Variants in MRPL1 observed in about 807,000 individuals in gnomAD.
The protein encoded by MRPL1 is mitochondrial ribosomal protein L1.
Under a neutral mutation model 38.0 loss-of-function variants are expected in MRPL1, and 28 were observed. The ratio of observed to expected loss-of-function variants is 0.74; its 90% CI spans 0.55 to 1.01. The LOEUF (loss-of-function observed/expected upper bound fraction) is 1.01. MRPL1 is among the 50% of genes least tolerant of loss of function. The probability of loss-of-function intolerance (pLI) is 0.00; values close to 1 mark genes in which losing one functional copy is unlikely to be tolerated. For synonymous variants in MRPL1, 123 were observed against 126.7 expected (o/e 0.97, Z 0.20); for missense variants, 358 against 389.8 (o/e 0.92, Z 0.69).
intron 7 of MRPL1, among the ~76,000 whole-genome samples, chr4:77,930,995 A>G (rs72871105): frequency 6.6e-6 from 1 of 152,224 alleles, no homozygotes; most frequent in African/African-American, 2.4e-5. Context: ...AGAAAGCTGC[A>G]TTTAAAAGAA....
intron 7 of MRPL1, among the ~76,000 whole-genome samples, chr4:77,943,850 C>T (rs1032944816): frequency 2.6e-5 from 4 of 152,106 alleles, no homozygotes; most frequent in African/African-American, 9.7e-5. Context: ...GCTTAATAAT[C>T]GACCTTCTGA....
chr4:77,940,825 C>T (rs1737108039), intron 7 of MRPL1, among the ~76,000 whole-genome samples: 1 of 152,090 alleles, frequency 6.6e-6, no homozygotes, highest in Non-Finnish European at 1.5e-5. Context: ...GTTTTTAATT[C>T]TGTTTATGTG....
chr4:77,883,146 C>A (rs1735582774), intron 2 of MRPL1, 96 bp from the exon 3 acceptor site: 1 of 761,764 alleles, frequency 1.3e-6, no homozygotes, highest in Non-Finnish European at 1.9e-6. Context: ...TATAATTCAT[C>A]CTTTGTTTTT....
At chr4:77,896,917 A>G (rs1410519512) in intron 6 of MRPL1, among the ~76,000 whole-genome samples, 2 of 151,920 alleles carry the variant, frequency 1.3e-5, no homozygotes, top group African/African-American at 4.8e-5. Context: ...ATTTGGTTTT[A>G]TTTTGCTTAT....
chr4:77,906,882 A>G (rs188681574), intron 6 of MRPL1: 1 of 707,628 alleles, frequency 1.4e-6, no homozygotes, highest in East Asian at 1.3e-4. Context: ...TCAGACTGTG[A>G]TACTGAAAAA....
At chr4:77,893,486 T>C (rs1459877794) in intron 5 of MRPL1, among the ~76,000 whole-genome samples, 1 of 151,868 alleles carries the variant, frequency 6.6e-6, no homozygotes, top group Non-Finnish European at 1.5e-5. Flanking sequence ...ATAATAGTTA[T>C]TTTAGGTGCT....
chr4:77,918,248 C>A (rs1207969220), intron 7 of MRPL1, among the ~76,000 whole-genome samples: 1 of 152,110 alleles, frequency 6.6e-6, no homozygotes. Flanking sequence ...CAGTGGACCA[C>A]ACATTATTGA....
At chr4:77,912,647 AT>A in intron 7 of MRPL1, among the ~76,000 whole-genome samples, 1 of 152,196 alleles carries the variant, frequency 6.6e-6, no homozygotes, top group African/African-American at 2.4e-5. Flanking sequence ...TAATCTATAG[AT>A]TCATAGCATT....
chr4:77,896,413 C>T (rs1473346050), intron 6 of MRPL1, among the ~76,000 whole-genome samples: 1 of 152,140 alleles, frequency 6.6e-6, no homozygotes, highest in East Asian at 1.9e-4. Flanking sequence ...CCTTCTCTGA[C>T]ACCTTCTTTT....
At chr4:77,887,338 A>G in intron 5 of MRPL1, 47 bp downstream of exon 5, 3 of 1,394,006 alleles carry the variant, frequency 2.2e-6, no homozygotes, top group Non-Finnish European at 3.1e-6. Context: ...TGATTCTGTT[A>G]TCTTTACCAT....
At chr4:77,883,670 C>T (rs552052710) in intron 3 of MRPL1, among the ~76,000 whole-genome samples, 170 bp downstream of exon 3, 12 of 152,202 alleles carry the variant, frequency 7.9e-5, no homozygotes, top group East Asian at 1.9e-4. Flanking sequence ...CTCCACCTCC[C>T]GGGCTCAGGT....
intron 1 of MRPL1, among the ~76,000 whole-genome samples, chr4:77,868,700 A>G (rs570770084): frequency 6.6e-6 from 1 of 152,324 alleles, no homozygotes; most frequent in East Asian, 1.9e-4. Context: ...ATTACTATGA[A>G]CTAGTGGAGT....
intron 2 of MRPL1, among the ~76,000 whole-genome samples, chr4:77,881,887 C>G (rs1256069628): frequency 6.6e-6 from 1 of 152,162 alleles, no homozygotes; most frequent in Non-Finnish European, 1.5e-5. Flanking sequence ...CTTCAGGTCT[C>G]TCTCTTATAT....
intron 7 of MRPL1, among the ~76,000 whole-genome samples, chr4:77,946,097 ATC>A (rs1737260634): frequency 6.6e-6 from 1 of 152,092 alleles, no homozygotes; most frequent in Admixed American, 6.6e-5. Flanking sequence ...TTCAGTCCTT[ATC>A]TCAACCGCGT....
chr4:77,898,266 G>T (rs555480640), intron 6 of MRPL1, among the ~76,000 whole-genome samples: 142 of 150,378 alleles, frequency 9.4e-4, no homozygotes, highest in Middle Eastern at 3.4e-3. Context: ...TCTTTTTTTT[G>T]TGTGTGTGTG....
intron 7 of MRPL1, among the ~76,000 whole-genome samples, chr4:77,922,958 A>T (rs1040622380): frequency 1.8e-4 from 27 of 152,362 alleles, no homozygotes; most frequent in African/African-American, 6.5e-4. Flanking sequence ...AGTCATCTGC[A>T]TATAGATAGT....
At chr4:77,950,016 C>T in intron 8 of MRPL1, 138 bp downstream of exon 8, 1 of 467,358 alleles carries the variant, frequency 2.1e-6, no homozygotes, top group Non-Finnish European at 3.9e-6. Flanking sequence ...AGTTAACATG[C>T]AAGTTTTATA....
At chr4:77,901,491 A>G (rs1736032947) in intron 6 of MRPL1, among the ~76,000 whole-genome samples, 1 of 151,950 alleles carries the variant, frequency 6.6e-6, no homozygotes, top group Admixed American at 6.6e-5. Context: ...ACCCAACTAT[A>G]TGCTGTCTAC....
At chr4:77,881,032 A>C (rs558558518) in intron 2 of MRPL1, among the ~76,000 whole-genome samples, 153 of 152,332 alleles carry the variant, frequency 1.0e-3, no homozygotes, top group African/African-American at 3.7e-3. Flanking sequence ...AAAAGGCAGA[A>C]ATGCAAACAT....
Sources: allele counts gnomAD v4.1 joint callset (sites outside exome capture counted in the v4.1 genomes callset), GRCh38; gene constraint gnomAD v4.1.1; transcripts MANE v1.5; gene names NCBI Gene and HGNC (gene_info 2026-07-23, HGNC 2026-07-21).